The following HDX variants were observed in gnomAD, a reference collection of about 807,000 sequenced individuals.
HDX encodes the protein highly divergent homeobox.
Under a neutral mutation model 45.2 loss-of-function variants are expected in HDX, and 19 were observed. The ratio of observed to expected loss-of-function variants is 0.42; its 90% CI spans 0.29 to 0.62. HDX has a LOEUF of 0.62. HDX is among the 20% of genes least tolerant of loss of function. HDX has a pLI of 0.20. For missense variants in HDX, 532 were observed against 493.9 expected, an observed-to-expected ratio of 1.08 and a Z score of -0.73; for synonymous variants, 188 against 172.8, an observed-to-expected ratio of 1.09 and a Z score of -0.69.
chrX:84,379,300 C>A (rs1043826401), intron 5 of HDX, among the ~76,000 whole-genome samples: 29 of 110,157 alleles, frequency 2.6e-4, no homozygotes, highest in African/African-American at 9.5e-4. Flanking sequence ...GACTTCAACA[C>A]CCCACTTTCA....
At chrX:84,421,426 A>G (rs767998523) in intron 5 of HDX, among the ~76,000 whole-genome samples, 1 of 111,595 alleles carries the variant, frequency 9.0e-6, no homozygotes, top group African/African-American at 3.2e-5. Context: ...TAAAAAAGAT[A>G]CATTGGATAC....
chrX:84,334,900 A>ATGTGTG (rs760571301), intron 8 of HDX, among the ~76,000 whole-genome samples: 1 of 107,877 alleles, frequency 9.3e-6, no homozygotes, highest in Non-Finnish European at 1.9e-5. Flanking sequence ...CCTACTCTGT[A>ATGTGTG]TGTGTGTGTG....
At chrX:84,388,841 G>T (rs2038378824) in intron 5 of HDX, among the ~76,000 whole-genome samples, 1 of 111,870 alleles carries the variant, frequency 8.9e-6, no homozygotes, top group Non-Finnish European at 1.9e-5. Context: ...TTGCTGGGGA[G>T]CTAGTGGGTA....
chrX:84,481,973 C>A (rs1408654026), intron 2 of HDX, among the ~76,000 whole-genome samples: 1 of 111,587 alleles, frequency 9.0e-6, no homozygotes, highest in Non-Finnish European at 1.9e-5. Flanking sequence ...TGTTATTTGA[C>A]TTTCTTTTTT....
At chrX:84,458,572 T>C (rs1308981847) in intron 4 of HDX, among the ~76,000 whole-genome samples, 1 of 112,026 alleles carries the variant, frequency 8.9e-6, no homozygotes, top group Non-Finnish European at 1.9e-5. Context: ...CATAACTTAC[T>C]CCTCATAGAT....
intron 4 of HDX, among the ~76,000 whole-genome samples, chrX:84,462,414 G>A (rs2040259097): frequency 8.9e-6 from 1 of 111,847 alleles, no homozygotes; most frequent in South Asian, 3.7e-4. Context: ...AATAAGCCAG[G>A]CACAGAAAGA....
intron 5 of HDX, among the ~76,000 whole-genome samples, chrX:84,400,850 GA>G (rs2038686491): frequency 9.0e-6 from 1 of 110,841 alleles, no homozygotes; most frequent in Non-Finnish European, 1.9e-5. Context: ...AGTACCAAAA[GA>G]GACATATAGA....
intron 5 of HDX, among the ~76,000 whole-genome samples, chrX:84,362,584 CAGAGAG>C (rs1466389430): frequency 9.2e-6 from 1 of 108,513 alleles, no homozygotes; most frequent in African/African-American, 3.3e-5. Flanking sequence ...ATGAGAGAGA[CAGAGAG>C]AGAGAGAGAC....
At chrX:84,499,425 C>T (rs1429911767) in intron 1 of HDX, among the ~76,000 whole-genome samples, 1 of 111,690 alleles carries the variant, frequency 9.0e-6, no homozygotes, top group Non-Finnish European at 1.9e-5. Flanking sequence ...TCCAGAGTTG[C>T]TTAAGTTTGA....
chrX:84,483,086 C>A lies in HDX; in HGVS notation c.-1+4938G>T, dbSNP rs748267378. Among the ~76,000 whole-genome samples, 10 of 111,673 alleles carry A rather than the reference C, an allele frequency of 9.0e-5. No homozygotes were observed. In the Admixed American group the frequency reaches 9.4e-4, roughly 11 times the overall value. ...CATCAAAGGGCTTGGGCAGCTCCAA[C>A]TTTGTGGCTTTGCAGGGTACAGCGC... On this transcript the variant is annotated intron_variant, in intron 2 of 10. Transcript: ENST00000373177.
At chrX:84,470,935 G>A (rs1431358759) in intron 3 of HDX, among the ~76,000 whole-genome samples, 1 of 111,530 alleles carries the variant, frequency 9.0e-6, no homozygotes, top group African/African-American at 3.3e-5. Flanking sequence ...CAGGAGGATC[G>A]CTTGAGGCCA....
rs1415278000 is a variant in HDX, at chrX:84,502,447, A to G, written c.-215T>C. 1 of 111,745 alleles carries G rather than the reference A, an allele frequency of 8.9e-6. No homozygotes were observed. The highest frequency in any genetic ancestry group is 1.9e-5 in the Non-Finnish European group (1 of 53,165). The allele number at this position is 111,745 out of a possible 1,213,427, so 9.2% of individuals were successfully genotyped here. A position where few individuals can be genotyped will look rare whatever the true frequency, so the allele number is the denominator to read the frequency against. On this transcript the variant is annotated 5_prime_UTR_variant, in exon 1 of 11. Coordinates refer to ENST00000373177, the MANE Select transcript of HDX (RefSeq NM_001177479.2). Reference sequence around the variant, plus strand: ...TTTCCTGGGTCTCCAGTGCCGCTTCAGACAATGAAATCAGCGTGTCCGATC... The same window carrying G: ...TTTCCTGGGTCTCCAGTGCCGCTTCGGACAATGAAATCAGCGTGTCCGATC...
intron 5 of HDX, among the ~76,000 whole-genome samples, chrX:84,395,532 C>T (rs953377670): frequency 5.4e-5 from 6 of 110,946 alleles, no homozygotes; most frequent in African/African-American, 9.8e-5. Context: ...TAGAAAGTTT[C>T]GCTAAATTGT....
chrX:84,356,709 G>T (rs1285411502), intron 6 of HDX, among the ~76,000 whole-genome samples: 1 of 91,754 alleles, frequency 1.1e-5, no homozygotes, highest in Non-Finnish European at 2.0e-5. Context: ...TGCAAGCTCC[G>T]CCTCCCAGGT....
intron 4 of HDX, among the ~76,000 whole-genome samples, chrX:84,460,492 G>A (rs113754015): frequency 1.9e-4 from 21 of 111,480 alleles, no homozygotes; most frequent in Admixed American, 1.4e-3. Flanking sequence ...ACTCAATATC[G>A]CTTCATGATA....
chrX:84,431,059 C>T (rs1022312889), intron 5 of HDX, among the ~76,000 whole-genome samples: 1 of 110,356 alleles, frequency 9.1e-6, no homozygotes, highest in African/African-American at 3.3e-5. Context: ...TCTGTTATCC[C>T]TTCTTTTTGT....
At chrX:84,479,504 T>C (rs754860992) in intron 2 of HDX, among the ~76,000 whole-genome samples, 62 of 112,295 alleles carry the variant, frequency 5.5e-4, no homozygotes, top group African/African-American at 1.9e-3. Context: ...TGAATAAAGC[T>C]GTTAAGAACA....
chrX:84,357,689 T>C (rs190917032), intron 6 of HDX, among the ~76,000 whole-genome samples: 66 of 111,953 alleles, frequency 5.9e-4, no homozygotes, highest in African/African-American at 2.1e-3. Flanking sequence ...GAAGTTGCAA[T>C]GTAAACATAT....
chrX:84,487,545 A>G (rs889964208), intron 2 of HDX, among the ~76,000 whole-genome samples: 4 of 112,163 alleles, frequency 3.6e-5, no homozygotes, highest in Non-Finnish European at 7.5e-5. Context: ...TCCTCACACT[A>G]GTACCATTTG....
Sources: allele counts gnomAD v4.1 joint callset (sites outside exome capture counted in the v4.1 genomes callset), GRCh38; gene constraint gnomAD v4.1.1; transcripts MANE v1.5; gene names NCBI Gene and HGNC (gene_info 2026-07-23, HGNC 2026-07-21).